Variants in MGMT observed in about 807,000 individuals in gnomAD.
The protein encoded by MGMT is methylated-DNA--protein-cysteine methyltransferase.
A neutral mutation model predicts 15.9 loss-of-function variants in MGMT; 14 were observed. That is an observed-to-expected ratio of 0.88 (90% confidence interval 0.58 to 1.37). The LOEUF (loss-of-function observed/expected upper bound fraction) is 1.37, where lower values mean the gene tolerates loss of function less well. MGMT is among the 40% of genes most tolerant of loss of function. The pLI is 0.00. For synonymous variants in MGMT, 130 were observed against 118.2 expected (o/e 1.10, Z -0.65); for missense variants, 282 against 268.1 (o/e 1.05, Z -0.36).
rs1029252477 is a variant in MGMT, at chr10:129,556,865, C to T, written c.125+20488C>T. ...TGTTCTGTCGTAGGGCTAGTGAGAC[C>T]AGCTTTCCCTTGAGTTCTGGGGCGG... On this transcript the variant is annotated intron_variant, in intron 2 of 4. Transcript: ENST00000651593. This position sits in a 1 kb window ranked among gnomAD's most constrained non-coding sequence, Gnocchi z 4.3. Among the ~76,000 whole-genome samples, 4 of 152,102 alleles carry T rather than the reference C, an allele frequency of 2.6e-5. No individual in the cohort carries two copies. Among genetic ancestry groups the T allele is most frequent in the East Asian group, 1.9e-4 (1 of 5,172 alleles).
intron 2 of MGMT, among the ~76,000 whole-genome samples, chr10:129,589,090 T>A (rs1266265800): frequency 6.6e-6 from 1 of 152,240 alleles, no homozygotes; most frequent in Non-Finnish European, 1.5e-5. Context: ...TCACTTTTGC[T>A]ACCCCCTACT....
chr10:129,707,024 G>A (rs1198308909), intron 2 of MGMT, among the ~76,000 whole-genome samples: 1 of 152,084 alleles, frequency 6.6e-6, no homozygotes, highest in African/African-American at 2.4e-5. Flanking sequence ...CAGTTTGGGG[G>A]GCCCACGCGG....
intron 1 of MGMT, among the ~76,000 whole-genome samples, chr10:129,493,523 G>A (rs1341083241): frequency 6.6e-6 from 1 of 152,096 alleles, no homozygotes; most frequent in Admixed American, 6.5e-5. Flanking sequence ...CAACTGGTTT[G>A]GTTTTTGCAT....
intron 1 of MGMT, among the ~76,000 whole-genome samples, chr10:129,469,713 T>G (rs552918668): frequency 6.6e-6 from 1 of 152,274 alleles, no homozygotes; most frequent in African/African-American, 2.4e-5. Flanking sequence ...GAATATTATT[T>G]TATTATTTTT....
intron 2 of MGMT, among the ~76,000 whole-genome samples, chr10:129,630,249 C>A (rs1847195256): frequency 6.6e-6 from 1 of 152,210 alleles, no homozygotes; most frequent in African/African-American, 2.4e-5. Flanking sequence ...AAGGGCCTGG[C>A]CACTCTGATT....
intron 2 of MGMT, among the ~76,000 whole-genome samples, chr10:129,582,185 C>T (rs1457915257): frequency 1.3e-5 from 2 of 152,194 alleles, no homozygotes; most frequent in African/African-American, 4.8e-5. Flanking sequence ...TCCCTTAGCC[C>T]GGCTACGTCT....
intron 2 of MGMT, among the ~76,000 whole-genome samples, chr10:129,661,363 AC>A (rs778979192): frequency 6.6e-6 from 1 of 151,884 alleles, no homozygotes; most frequent in East Asian, 1.9e-4. Context: ...TGCAGCCCAG[AC>A]CCCCCTCATA....
At chr10:129,646,946 G>A (rs1847402672) in intron 2 of MGMT, among the ~76,000 whole-genome samples, 3 of 151,298 alleles carry the variant, frequency 2.0e-5, no homozygotes, top group East Asian at 2.0e-4. Context: ...CCTCTGGCCC[G>A]TCTCGCATCT....
rs543156155 is a variant in MGMT, at chr10:129,708,125, G to A, written c.274+82G>A. On this transcript the variant is annotated intron_variant, in intron 3 of 4. Coordinates refer to ENST00000651593, the MANE Select transcript of MGMT (RefSeq NM_002412.5). ...CGCTGACATCACAGTTCATTTTATT[G>A]AGTATACCAACTTGGTATTTTTACA... 8 of 1,503,300 alleles carry A rather than the reference G, an allele frequency of 5.3e-6. No individual in the cohort carries two copies. The African/African-American group carries it at 7.0e-5, about 13-fold the overall frequency. The allele number at this position is 1,503,300 out of a possible 1,614,324, so 93.1% of individuals were successfully genotyped here.
At chr10:129,515,816 C>G (rs1241088994) in intron 1 of MGMT, among the ~76,000 whole-genome samples, 1 of 151,266 alleles carries the variant, frequency 6.6e-6, no homozygotes, top group Non-Finnish European at 1.5e-5. Context: ...ATGACAGCCT[C>G]TAACAGAGGT....
chr10:129,481,593 C>T (rs941424487), intron 1 of MGMT, among the ~76,000 whole-genome samples: 6 of 152,198 alleles, frequency 3.9e-5, no homozygotes, highest in Non-Finnish European at 8.8e-5. Context: ...ATAACATTAA[C>T]TATGAATTCA....
At chr10:129,604,631 A>T (rs1589889632) in intron 2 of MGMT, among the ~76,000 whole-genome samples, 1 of 151,352 alleles carries the variant, frequency 6.6e-6, no homozygotes, top group East Asian at 2.0e-4. Flanking sequence ...GGGTAGTGAA[A>T]GGAGTGGCTC....
In MGMT at chr10:129,768,041, A is replaced by C. The variant is rs1443403656; in HGVS notation, c.*1044A>C. 1 of 152,212 alleles carries C rather than the reference A, an allele frequency of 6.6e-6. No homozygotes were observed. Among genetic ancestry groups the C allele is most frequent in the Non-Finnish European group, 1.5e-5 (1 of 68,040 alleles). 9.4% of individuals were successfully genotyped at this position (152,212 alleles called of 1,614,324 possible). ...AACAGAGCATATGATGTATAGAGAA[A>C]ATGAACTGCACCCAGCTGTGCACTA... On this transcript the variant is annotated 3_prime_UTR_variant, in exon 5 of 5. Transcript: ENST00000651593.
At chr10:129,662,072 G>A (rs1305959792) in intron 2 of MGMT, among the ~76,000 whole-genome samples, 1 of 152,144 alleles carries the variant, frequency 6.6e-6, no homozygotes, top group African/African-American at 2.4e-5. Context: ...AGTTCCACGT[G>A]TAGAGGATGT....
At chr10:129,698,040 T>C (rs1848052306) in intron 2 of MGMT, among the ~76,000 whole-genome samples, 1 of 152,192 alleles carries the variant, frequency 6.6e-6, no homozygotes, top group South Asian at 2.1e-4. Flanking sequence ...TGACTCTCCA[T>C]GTCTGGTCTG....
chr10:129,727,833 G>T (rs765464993), intron 3 of MGMT, among the ~76,000 whole-genome samples: 4 of 152,232 alleles, frequency 2.6e-5, no homozygotes, highest in Non-Finnish European at 5.9e-5. Flanking sequence ...GTGTGGGCTG[G>T]GGAGAACTTC....
Position 129,707,882 on chromosome 10 carries a change from C to G in MGMT, c.126-13C>G. 6.2e-7 allele frequency: 1 copy of G among 1,610,214 alleles called. No homozygotes were observed. The highest frequency in any genetic ancestry group is 8.5e-7 in the Non-Finnish European group (1 of 1,179,946). ...CCCAGAGGTTTACTAAGCCCCTGTTCTCACTTTTGCAGTGCCGTGGAGGTC... is the reference window on the plus strand; with the variant it reads ...CCCAGAGGTTTACTAAGCCCCTGTTGTCACTTTTGCAGTGCCGTGGAGGTC... On this transcript the variant is annotated splice_polypyrimidine_tract_variant and intron_variant, in intron 2 of 4. Coordinates refer to ENST00000651593, the MANE Select transcript of MGMT (RefSeq NM_002412.5).
chr10:129,752,086 A>G (rs752327556), intron 3 of MGMT, among the ~76,000 whole-genome samples: 111 of 151,956 alleles, frequency 7.3e-4, no homozygotes, highest in Non-Finnish European at 2.1e-4. Flanking sequence ...TCTATTGATT[A>G]TTGAGAAAGA....
chr10:129,606,136 C>T (rs949771486), intron 2 of MGMT, among the ~76,000 whole-genome samples: 2 of 152,046 alleles, frequency 1.3e-5, no homozygotes, highest in Non-Finnish European at 2.9e-5. Flanking sequence ...CATGTGCAGG[C>T]GAAGATTACC....
Sources: gnomAD v4.1 joint callset for allele counts (sites outside exome capture counted in the v4.1 genomes callset) on GRCh38, gnomAD v4.1.1 for gene constraint, Gnocchi (gnomAD v3.1) non-coding constraint, MANE v1.5 for transcripts, NCBI Gene and HGNC (gene_info 2026-07-23, HGNC 2026-07-21) for gene names.